The following PROSER1 variants were observed in gnomAD, a reference collection of about 807,000 sequenced individuals.
The protein encoded by PROSER1 is proline and serine-rich protein 1.
In PROSER1, 36 loss-of-function variants were observed where a neutral mutation model predicts 71.8. That is an observed-to-expected ratio of 0.50 (90% CI 0.38 to 0.66). The LOEUF (loss-of-function observed/expected upper bound fraction) is 0.66. Ranked by LOEUF, PROSER1 falls within the 30% of genes least tolerant of loss-of-function variation. The probability of loss-of-function intolerance (pLI) is 0.00; values close to 1 mark genes in which losing one functional copy is unlikely to be tolerated. For synonymous variants in PROSER1, 490 were observed against 452.4 expected (o/e 1.08, Z -1.06); for missense variants, 1,107 against 1,135.0 (o/e 0.98, Z 0.35).
chr13:39,038,060 C>A lies in PROSER1; in HGVS notation c.-818G>T. The stretch of plus-strand genomic sequence containing the variant: ...CAGTCGCGCCCAAGTAAACTCAACA[C>A]TGCGCCGCCAGCTTGGGCCCCTCTT... On this transcript the variant is annotated 5_prime_UTR_variant, in exon 1 of 13. Transcript: ENST00000352251. The A allele has an allele frequency of 6.5e-6, 1 of 154,058 alleles. No homozygotes were observed. Among genetic ancestry groups the A allele is most frequent in the Middle Eastern group, 3.4e-3 (1 of 298 alleles). 9.5% of individuals were successfully genotyped at this position (154,058 alleles called of 1,614,324 possible). A position where few individuals can be genotyped will look rare whatever the true frequency, so the allele number is the denominator to read the frequency against.
chr13:39,027,865 C>T (rs1405463569), intron 5 of PROSER1, among the ~76,000 whole-genome samples: 2 of 151,974 alleles, frequency 1.3e-5, no homozygotes, highest in Admixed American at 6.6e-5. Flanking sequence ...CTTATGAATC[C>T]GATTTAAAAT....
intron 3 of PROSER1, among the ~76,000 whole-genome samples, chr13:39,031,294 C>CA (rs1870830795): frequency 6.6e-6 from 1 of 152,104 alleles, no homozygotes; most frequent in South Asian, 2.1e-4. Context: ...AACAGAAGTG[C>CA]AAAAAACCAT....
rs1156866769 is a variant in PROSER1 at position 39,037,879 on chromosome 13, G to A, written c.-637C>T. 1 of 152,524 alleles carries A rather than the reference G, an allele frequency of 6.6e-6. No homozygotes were observed. Among genetic ancestry groups the A allele is most frequent in the African/African-American group, 2.4e-5 (1 of 41,458 alleles). The allele number at this position is 152,524 out of a possible 1,614,324, so 9.4% of individuals were successfully genotyped here. ...TTGTTACCAGCTGCTGCAGCTTCCG[G>A]GAGCGGGCCGGCGGCTGGGGAGCAC... On this transcript the variant is annotated 5_prime_UTR_variant, in exon 1 of 13. Coordinates refer to ENST00000352251, the MANE Select transcript of PROSER1 (RefSeq NM_025138.5).
chr13:39,029,147 T>C (rs911278493), intron 4 of PROSER1, 134 bp downstream of exon 4: 12 of 551,882 alleles, frequency 2.2e-5, no homozygotes, highest in Non-Finnish European at 3.1e-5. Context: ...TATTCACATT[T>C]GGAAATCAGA....
chr13:39,031,050 T>C (rs943143625), intron 3 of PROSER1, among the ~76,000 whole-genome samples: 2 of 152,228 alleles, frequency 1.3e-5, no homozygotes, highest in East Asian at 1.9e-4. Context: ...GATGCTCCTG[T>C]TGACCTAGGT....
chr13:39,022,427 C>T lies in PROSER1; in HGVS notation c.644-15G>A, dbSNP rs769428993. 1.3e-6 allele frequency: 2 copies of T among 1,583,764 alleles called. No homozygotes were observed. Among genetic ancestry groups the T allele is most frequent in the Non-Finnish European group, 1.7e-6 (2 of 1,152,800 alleles). Reference sequence around the variant, plus strand: ...GTTATAAGCACCTAAAATAAAAACACAATAGAAAAAAATATACCTTAGGAC... The same window carrying T: ...GTTATAAGCACCTAAAATAAAAACATAATAGAAAAAAATATACCTTAGGAC... On this transcript the variant is annotated splice_polypyrimidine_tract_variant and intron_variant, in intron 8 of 12. Transcript: ENST00000352251.
intron 1 of PROSER1, among the ~76,000 whole-genome samples, chr13:39,034,770 C>A (rs1315532799): frequency 2.6e-5 from 4 of 152,158 alleles, no homozygotes; most frequent in African/African-American, 9.7e-5. Context: ...TCCTTTTGAG[C>A]GTCCTCATTC....
chr13:39,015,410 T>C (rs1869962250), intron 10 of PROSER1, among the ~76,000 whole-genome samples: 2 of 152,254 alleles, frequency 1.3e-5, no homozygotes, highest in South Asian at 2.1e-4. Flanking sequence ...CATCTGATAC[T>C]GTACTCACAT....
Position 39,026,374 on chromosome 13 carries a change from C to A in PROSER1, c.383G>T (p.Gly128Val). ...TATCATAGCATGAGGAGCTTTGCAGCCCCCCTTGAAAGCCTGTAATATAAG... is the reference window on the plus strand; with the variant it reads ...TATCATAGCATGAGGAGCTTTGCAGACCCCCTTGAAAGCCTGTAATATAAG... ...KRILEQAFKGGCKAPHAMISS... is the reference protein window; with the variant it reads ...KRILEQAFKGVCKAPHAMISS... The change falls in exon 6 of 13, where the codon GGC becomes GTC. Residue 128 changes from glycine (G) to valine (V), a missense_variant. Coordinates refer to ENST00000352251, the MANE Select transcript of PROSER1 (RefSeq NM_025138.5). 1 of 1,608,770 alleles carries A rather than the reference C, an allele frequency of 6.2e-7. No homozygotes were observed. Among genetic ancestry groups the A allele is most frequent in the East Asian group, 2.2e-5 (1 of 44,758 alleles).
intron 9 of PROSER1, among the ~76,000 whole-genome samples, chr13:39,020,542 C>A (rs9603496): frequency 0.023 from 3,514 of 152,002 alleles, 131 homozygotes; most frequent in African/African-American, 0.072. Context: ...AATAAAATAA[C>A]TACAGTGGAA....
rs1253292954 is a variant in PROSER1, at chr13:39,012,792, T to C, written c.2460A>G (p.Pro820=). ...ATGGGGCTGTGGCAGCCACAGGTAG[T>C]GGTGTGACAGCTGCGACTGTAGAGG... is the stretch of plus-strand genomic sequence containing the variant. ...QAPSTVAAVT[P]LPVAATAPSP... Residue 820 remains proline (P), a synonymous_variant, in exon 11 of 13, where the codon CCA becomes CCG. Coordinates refer to ENST00000352251, the MANE Select transcript of PROSER1 (RefSeq NM_025138.5). The C allele has an allele frequency of 6.2e-7, 1 of 1,614,016 alleles. No homozygotes were observed. Among genetic ancestry groups the C allele is most frequent in the Non-Finnish European group, 8.5e-7 (1 of 1,179,986 alleles).
chr13:39,012,257 A>C (rs758089082), intron 11 of PROSER1, 24 bp from the exon 12 acceptor site: 2 of 1,609,364 alleles, frequency 1.2e-6, no homozygotes, highest in South Asian at 1.1e-5. Flanking sequence ...CAGAAAAACA[A>C]GTTAACTGCA....
chr13:39,021,901 A>C (rs2138115045), intron 9 of PROSER1, among the ~76,000 whole-genome samples: 1 of 152,352 alleles, frequency 6.6e-6, no homozygotes, highest in Admixed American at 6.5e-5. Flanking sequence ...TATAAATCAC[A>C]TTCTAATTTC....
At chr13:39,033,334 T>A (rs1017613985) in intron 2 of PROSER1, among the ~76,000 whole-genome samples, 2 of 152,216 alleles carry the variant, frequency 1.3e-5, no homozygotes, top group African/African-American at 2.4e-5. Context: ...AAGAATTTAG[T>A]GGGCAGAACT....
rs147417785 is a variant in PROSER1, at chr13:39,024,518, G to A, written c.519C>T (p.Asn173=). The change falls in exon 7 of 13, where the codon AAC becomes AAT. Residue 173 remains asparagine (N), a synonymous_variant. Transcript: ENST00000352251. The part of the protein sequence containing the change: ...PLKKDGEECT[N]EGKGIAARIL... Reference sequence around the variant, plus strand: ...TTCGTGCAGCTATTCCTTTGCCTTCGTTAGTACATTCTTCACCATCTTTTT... The same window carrying A: ...TTCGTGCAGCTATTCCTTTGCCTTCATTAGTACATTCTTCACCATCTTTTT... 2.7e-5 allele frequency: 43 copies of A among 1,597,954 alleles called. No individual in the cohort carries two copies. In the East Asian group the frequency reaches 3.6e-4, roughly 14 times the overall value.
In PROSER1 at chr13:39,038,087, C is replaced by A. The variant is rs1871250139; in HGVS notation, c.-845G>T. Reference sequence around the variant, plus strand: ...GCGCCGCCAGCTTGGGCCCCTCTTTCCTGAAAGCCAGAGGTGGGGTCCTGG... The same window carrying A: ...GCGCCGCCAGCTTGGGCCCCTCTTTACTGAAAGCCAGAGGTGGGGTCCTGG... On this transcript the variant is annotated 5_prime_UTR_variant, in exon 1 of 13. Coordinates refer to ENST00000352251, the MANE Select transcript of PROSER1 (RefSeq NM_025138.5). 1 of 153,794 alleles carries A rather than the reference C, an allele frequency of 6.5e-6. No individual in the cohort carries two copies. Among genetic ancestry groups the A allele is most frequent in the Non-Finnish European group, 1.4e-5 (1 of 69,210 alleles). The allele number at this position is 153,794 out of a possible 1,614,324, so 9.5% of individuals were successfully genotyped here. A position where few individuals can be genotyped will look rare whatever the true frequency, so the allele number is the denominator to read the frequency against.
intron 9 of PROSER1, chr13:39,017,836 G>A: frequency 3.6e-6 from 1 of 277,582 alleles, no homozygotes; most frequent in Non-Finnish European, 6.7e-6. Context: ...AATACACACT[G>A]TTAATTTTAC....
At position 39,013,559 on chromosome 13, in the gene PROSER1, C is replaced by G; in HGVS notation, c.1693G>C (p.Ala565Pro). Residue 565 changes from alanine to proline, a missense_variant, in exon 11 of 13, where the codon GCA (alanine) becomes CCA (proline). Transcript: ENST00000352251. ...ACTGGCACTGACGTGGAAGCTGATG[C>G]AGCAGTGGCTAAAGGAGACTGTACA... ...LPVQSPLATA[A>P]SASTSVPVSC... The G allele has an allele frequency of 6.2e-7, 1 of 1,614,098 alleles. No individual in the cohort carries two copies. The highest frequency in any genetic ancestry group is 2.2e-5 in the East Asian group (1 of 44,878).
rs769007544 is a variant in PROSER1 at position 39,013,524 on chromosome 13, G to C, written c.1728C>G (p.Gly576=). ...GGCCACGCAAAAGGGAGGCTGAGGA[G>C]CCACAGCTAACTGGCACTGACGTGG... ...SASTSVPVSC[G]SSASLLRGPH... is the part of the protein sequence containing the mutation. Residue 576 remains glycine (G), a synonymous_variant, in exon 11 of 13, where the codon GGC becomes GGG. Coordinates refer to ENST00000352251, the MANE Select transcript of PROSER1 (RefSeq NM_025138.5). 17 of 1,613,966 alleles carry C rather than the reference G, an allele frequency of 1.1e-5. No homozygotes were observed. Among genetic ancestry groups the C allele is most frequent in the African/African-American group, 2.7e-5 (2 of 74,914 alleles).
Sources: allele counts gnomAD v4.1 joint callset (sites outside exome capture counted in the v4.1 genomes callset), GRCh38; gene constraint gnomAD v4.1.1; transcripts MANE v1.5; gene names NCBI Gene and HGNC (gene_info 2026-07-23, HGNC 2026-07-21).